Variants in ENKUR observed in about 807,000 individuals in gnomAD.
ENKUR encodes enkurin, TRPC channel interacting protein.
In ENKUR, 19 loss-of-function variants were observed where a neutral mutation model predicts 27.6. The observed-to-expected ratio is 0.69, with a 90% CI of 0.48 to 1.01. ENKUR has a LOEUF of 1.01. ENKUR is among the 50% of genes least tolerant of loss of function. The pLI, the probability that ENKUR is intolerant of heterozygous loss-of-function variation, is 0.00. For missense variants in ENKUR, 312 were observed against 310.5 expected (o/e 1.00, Z -0.04); for synonymous variants, 117 against 96.9 (o/e 1.21, Z -1.22).
At chr10:25,053,993 A>T (rs1554774461) in intron 2 of ENKUR, among the ~76,000 whole-genome samples, 1 of 152,242 alleles carries the variant, frequency 6.6e-6, no homozygotes, top group African/African-American at 2.4e-5. Flanking sequence ...ATCATTCTGC[A>T]TTCCTTTATA....
At chr10:24,985,999 T>C (rs895641425) in intron 4 of ENKUR, among the ~76,000 whole-genome samples, 3 of 152,066 alleles carry the variant, frequency 2.0e-5, no homozygotes, top group Non-Finnish European at 4.4e-5. Context: ...GCTCAGGAGG[T>C]TGAGGCTGCA....
At chr10:25,026,959 C>G (rs886595051) in intron 2 of ENKUR, among the ~76,000 whole-genome samples, 11 of 151,920 alleles carry the variant, frequency 7.2e-5, no homozygotes, top group African/African-American at 2.7e-4. Flanking sequence ...TTCAAAGTTA[C>G]GTTTGTTCAT....
chr10:25,018,759 C>T (rs1325388977), upstream of ENKUR, among the ~76,000 whole-genome samples: 1 of 148,026 alleles, frequency 6.8e-6, no homozygotes, highest in African/African-American at 2.5e-5. Context: ...GTAAATAAAC[C>T]CTTTATAAAG....
At chr10:25,017,046 C>T (rs920058470), upstream of ENKUR, among the ~76,000 whole-genome samples, 48 of 152,114 alleles carry the variant, frequency 3.2e-4, no homozygotes, top group African/African-American at 1.1e-3. Context: ...CCGGGACCGC[C>T]CCTTGGGCGG....
chr10:25,057,873 GA>G (rs1851278920), intron 2 of ENKUR, among the ~76,000 whole-genome samples: 1 of 152,114 alleles, frequency 6.6e-6, no homozygotes, highest in African/African-American at 2.4e-5. Context: ...GGAAATCTCA[GA>G]ATGCAAACTT....
rs1251784964 is a variant in ENKUR at position 25,029,498 on chromosome 10, AATCC to A, written c.37+31610_37+31613del. ...AATCATGGATGGCAAATATTGTTTC[AATCC>A]ATTAAATCGTTTATAAACCTTTTGT... On this transcript the variant is annotated intron_variant, in intron 2 of 5. Coordinates refer to the ENKUR transcript ENST00000615958. Among the ~76,000 whole-genome samples the A allele has an allele frequency of 5.3e-5, 8 of 152,302 alleles. No homozygotes were observed. In the South Asian group the frequency reaches 1.7e-3, roughly 32 times the overall value.
At chr10:25,054,492 T>TCTTTCTTTCTTTCTTTCTTTCTTTCTTTC (rs937663949) in intron 2 of ENKUR, among the ~76,000 whole-genome samples, 100 of 127,742 alleles carry the variant, frequency 7.8e-4, no homozygotes, top group East Asian at 9.3e-4. Context: ...TTTCTTTCTT[T>TCTTTCTTTCTTTCTTTCTTTCTTTCTTTC]CTTTCTTTCT....
intron 3 of ENKUR, among the ~76,000 whole-genome samples, chr10:24,990,811 T>G (rs1025281143): frequency 2.1e-4 from 32 of 152,266 alleles, no homozygotes; most frequent in African/African-American, 7.5e-4. Context: ...GAGTTGTTAT[T>G]GCCCAGGCAT....
At chr10:25,045,629 A>T (rs1312576900) in intron 2 of ENKUR, among the ~76,000 whole-genome samples, 1 of 152,226 alleles carries the variant, frequency 6.6e-6, no homozygotes, top group Non-Finnish European at 1.5e-5. Context: ...TTTGAAACTG[A>T]GACATTGTTG....
intron 2 of ENKUR, among the ~76,000 whole-genome samples, chr10:24,996,857 C>T (rs1850071910): frequency 6.6e-6 from 1 of 152,104 alleles, no homozygotes; most frequent in Admixed American, 6.5e-5. Flanking sequence ...CCCCCAGTAT[C>T]TCAGAATATA....
chr10:25,055,977 A>G (rs1851251426), intron 2 of ENKUR, among the ~76,000 whole-genome samples: 1 of 152,224 alleles, frequency 6.6e-6, no homozygotes, highest in Non-Finnish European at 1.5e-5. Flanking sequence ...GAAGTTGGTA[A>G]GAATGTTGCA....
intron 2 of ENKUR, among the ~76,000 whole-genome samples, chr10:25,031,471 A>C (rs1850934569): frequency 3.9e-5 from 6 of 152,336 alleles, no homozygotes; most frequent in Admixed American, 3.3e-4. Flanking sequence ...AAAGAGCAGA[A>C]GACATGCTAA....
At chr10:25,018,679 T>TTTTC (rs1850659803), upstream of ENKUR, among the ~76,000 whole-genome samples, 2 of 150,336 alleles carry the variant, frequency 1.3e-5, no homozygotes, top group African/African-American at 2.4e-5. Context: ...TTTTTTTTTT[T>TTTTC]GCGAAGGATT....
chr10:25,053,337 A>G lies in ENKUR; in HGVS notation c.37+7775T>C, dbSNP rs78146283. On this transcript the variant is annotated intron_variant, in intron 2 of 5. Coordinates refer to the ENKUR transcript ENST00000615958. ...TTTACTCTCTTAGCAAATGAAGTAT[A>G]TAATACATTGTTATTAACTATAGTC... Among the ~76,000 whole-genome samples the G allele has an allele frequency of 1.7e-3, 252 of 152,314 alleles. 1 individual carries two copies. Among genetic ancestry groups the G allele is most frequent in the Middle Eastern group, 6.8e-3 (2 of 294 alleles).
At chr10:24,994,051 G>C (rs1327851372) in intron 3 of ENKUR, among the ~76,000 whole-genome samples, 2 of 152,078 alleles carry the variant, frequency 1.3e-5, no homozygotes, top group East Asian at 3.9e-4. Context: ...AACTTTATTG[G>C]CTTATCCTGG....
Position 24,990,337 on chromosome 10 carries a change from T to C in ENKUR, c.594+126A>G, listed in dbSNP as rs1003176792. 9 of 1,274,630 alleles carry C rather than the reference T, an allele frequency of 7.1e-6. No homozygotes were observed. In the Admixed American group the frequency reaches 2.3e-4, roughly 33 times the overall value. The allele number at this position is 1,274,630 out of a possible 1,614,324, so 79.0% of individuals were successfully genotyped here. A position where few individuals can be genotyped will look rare whatever the true frequency, so the allele number is the denominator to read the frequency against. On this transcript the variant is annotated intron_variant, in intron 4 of 5. Transcript: ENST00000331161. The stretch of plus-strand genomic sequence containing the variant: ...CTTTGCTGTATGTAGTTTTTAACTG[T>C]AACCCAAAGAGATTGTTCTGATTTC...
chr10:25,021,759 G>T (rs576266756), intron 2 of ENKUR: 1 of 152,240 alleles, frequency 6.6e-6, no homozygotes, highest in African/African-American at 2.4e-5. Flanking sequence ...GTTTTGCAAA[G>T]ATCGGTTTTG....
chr10:25,055,258 A>G (rs1043300255), intron 2 of ENKUR, among the ~76,000 whole-genome samples: 3 of 151,848 alleles, frequency 2.0e-5, no homozygotes, highest in African/African-American at 7.3e-5. Context: ...TTTATTTTAC[A>G]TTGATTTTGC....
At chr10:25,024,814 A>ATCTGTGCCTCTAATCAGAACCATGTT (rs1850811613) in intron 2 of ENKUR, 9 of 1,614,082 alleles carry the variant, frequency 5.6e-6, no homozygotes, top group Non-Finnish European at 6.8e-6. Context: ...TCGAAAATTT[A>ATCTGTGCCTCTAATCAGAACCATGTT]TCTGTGCCTC....
Sources: gnomAD v4.1 joint callset for allele counts (sites outside exome capture counted in the v4.1 genomes callset) on GRCh38, gnomAD v4.1.1 for gene constraint, MANE v1.5 for transcripts, NCBI Gene and HGNC (gene_info 2026-07-23, HGNC 2026-07-21) for gene names.